Variants in NPHP1 observed in about 807,000 individuals in gnomAD.
The protein encoded by NPHP1 is nephrocystin 1, also known as nephrocystin-1.
In NPHP1, 70 loss-of-function variants were observed where a neutral mutation model predicts 90.4. That is an observed-to-expected ratio of 0.77 (90% CI 0.64 to 0.95). The LOEUF (loss-of-function observed/expected upper bound fraction) is 0.95, where lower values mean the gene tolerates loss of function less well. Ranked by LOEUF, NPHP1 falls within the 40% of genes least tolerant of loss-of-function variation. The probability of loss-of-function intolerance (pLI) is 0.00; values close to 1 mark genes in which losing one functional copy is unlikely to be tolerated. For missense variants in NPHP1, 764 were observed against 795.9 expected, an observed-to-expected ratio of 0.96 and a Z score of 0.48; for synonymous variants, 256 against 271.7, an observed-to-expected ratio of 0.94 and a Z score of 0.57.
At chr2:110,195,244 T>C (rs1194975601) in intron 2 of NPHP1, among the ~76,000 whole-genome samples, 4 of 152,154 alleles carry the variant, frequency 2.6e-5, no homozygotes, top group Admixed American at 2.0e-4. Flanking sequence ...GACATGATTG[T>C]ATATCTAGAA....
intron 16 of NPHP1, among the ~76,000 whole-genome samples, chr2:110,137,776 A>G (rs564327329): frequency 9.4e-4 from 142 of 151,482 alleles, no homozygotes; most frequent in Admixed American, 9.9e-4. Flanking sequence ...GTGATTCCTC[A>G]GGGATCTAGA....
intron 2 of NPHP1, among the ~76,000 whole-genome samples, chr2:110,192,969 C>T (rs1260060953): frequency 2.0e-5 from 3 of 152,094 alleles, no homozygotes; most frequent in Admixed American, 6.6e-5. Context: ...GAGATTTTGT[C>T]ACCACCAGGC....
chr2:110,197,196 G>T (rs1490344266), intron 2 of NPHP1, among the ~76,000 whole-genome samples: 1 of 152,048 alleles, frequency 6.6e-6, no homozygotes, highest in African/African-American at 2.4e-5. Flanking sequence ...TAATACCTAG[G>T]TGATGGGATG....
chr2:110,157,153 T>C (rs1438317775), intron 11 of NPHP1, among the ~76,000 whole-genome samples: 1 of 152,202 alleles, frequency 6.6e-6, no homozygotes, highest in Non-Finnish European at 1.5e-5. Flanking sequence ...TCTGTGCAGC[T>C]ATTAAATATG....
chr2:110,136,351 G>A (rs1680199804), intron 16 of NPHP1, among the ~76,000 whole-genome samples: 1 of 152,050 alleles, frequency 6.6e-6, no homozygotes, highest in African/African-American at 2.4e-5. Context: ...GGAAATAAAG[G>A]GTATTCAATT....
intron 2 of NPHP1, among the ~76,000 whole-genome samples, chr2:110,192,209 G>C (rs183474996): frequency 1.3e-5 from 2 of 152,208 alleles, no homozygotes; most frequent in Admixed American, 6.5e-5. Flanking sequence ...AAACTTCTCC[G>C]AGCTAAAGGA....
At chr2:110,128,031 TA>T (rs1197124828) in intron 18 of NPHP1, 1 of 152,126 alleles carries the variant, frequency 6.6e-6, no homozygotes, top group African/African-American at 2.4e-5. Flanking sequence ...CGAACTTATC[TA>T]AAATTACAGG....
At chr2:110,153,389 A>G (rs1681635421) in intron 11 of NPHP1, among the ~76,000 whole-genome samples, 1 of 152,186 alleles carries the variant, frequency 6.6e-6, no homozygotes, top group South Asian at 2.1e-4. Flanking sequence ...GAAATAGTAA[A>G]AATATAGGTA....
At chr2:110,198,199 A>T (rs1685299688) in intron 2 of NPHP1, among the ~76,000 whole-genome samples, 1 of 152,096 alleles carries the variant, frequency 6.6e-6, no homozygotes, top group Admixed American at 6.5e-5. Flanking sequence ...CATAAGAGGG[A>T]GATAATCTGC....
intron 14 of NPHP1, among the ~76,000 whole-genome samples, chr2:110,146,056 C>T (rs1450620697): frequency 6.6e-6 from 1 of 152,164 alleles, no homozygotes; most frequent in Admixed American, 6.5e-5. Flanking sequence ...AATCCACCTA[C>T]AGTTACATGG....
In NPHP1 at chr2:110,179,657, A is replaced by G; in HGVS notation, c.171T>C (p.Asp57=). 7.2e-7 allele frequency: 1 copy of G among 1,390,176 alleles called. No individual in the cohort carries two copies. Among genetic ancestry groups the G allele is most frequent in the East Asian group, 2.3e-5 (1 of 43,500 alleles). 86.1% of individuals were successfully genotyped at this position (1,390,176 alleles called of 1,614,324 possible). A position where few individuals can be genotyped will look rare whatever the true frequency, so the allele number is the denominator to read the frequency against. ...QRCIQLKQAI[D]ENKNALQKLS... ...ATTTTTGAAGAGCATTTTTATTTTC[A>G]TCTATTGCCTGCTTTAACTGGATAC... is the stretch of plus-strand genomic sequence containing the variant. The change falls in exon 3 of 20, where the codon GAT becomes GAC. Residue 57 remains aspartate, a synonymous_variant. Transcript: ENST00000445609.
At chr2:110,125,315 C>G in intron 19 of NPHP1, 1 of 1,529,862 alleles carries the variant, frequency 6.5e-7, no homozygotes, top group Non-Finnish European at 8.7e-7. Context: ...GTGATACAGG[C>G]TTTGAGAGCT....
Position 110,135,476 on chromosome 2 carries a change from C to CAA in NPHP1, c.1530-3687_1530-3686dup, listed in dbSNP as rs66696927. Among the ~76,000 whole-genome samples, 44 of 15,092 alleles carry CAA rather than the reference C, an allele frequency of 2.9e-3. 2 individuals are homozygous for CAA. Among genetic ancestry groups the CAA allele is most frequent in the Non-Finnish European group, 3.8e-3 (24 of 6,260 alleles). The allele number at this position is 15,092 out of a possible 152,430, so 9.9% of individuals were successfully genotyped here. A position where few individuals can be genotyped will look rare whatever the true frequency, so the allele number is the denominator to read the frequency against. On this transcript the variant is annotated intron_variant, in intron 16 of 19. Transcript: ENST00000445609. Reference sequence around the variant, plus strand: ...TGGGAGACACAGCGAGACCCCGTCTCAAAAAAAAAAAAAAAAAAAAAAAAA... The same window carrying CAA: ...TGGGAGACACAGCGAGACCCCGTCTCAAAAAAAAAAAAAAAAAAAAAAAAAAA...
chr2:110,173,117 C>A (rs1210880789), intron 4 of NPHP1, among the ~76,000 whole-genome samples: 2 of 151,952 alleles, frequency 1.3e-5, no homozygotes, highest in East Asian at 3.9e-4. Flanking sequence ...CACCACCATG[C>A]CCAGCTCATT....
At chr2:110,136,918 A>T (rs1174497224) in intron 16 of NPHP1, among the ~76,000 whole-genome samples, 1 of 152,188 alleles carries the variant, frequency 6.6e-6, no homozygotes, top group Non-Finnish European at 1.5e-5. Context: ...ACCTGACTTC[A>T]AACTATACTA....
chr2:110,152,599 T>TAAA (rs36125105), intron 11 of NPHP1, among the ~76,000 whole-genome samples: 2,525 of 125,960 alleles, frequency 0.02, 38 homozygotes, highest in Middle Eastern at 0.04. Context: ...CCAGTAGGGT[T>TAAA]AAAAAAAAAA....
chr2:110,168,899 A>G (rs1485390733), intron 5 of NPHP1, among the ~76,000 whole-genome samples: 1 of 152,148 alleles, frequency 6.6e-6, no homozygotes, highest in Non-Finnish European at 1.5e-5. Flanking sequence ...TGAATGTTTT[A>G]ATATCTCTGG....
At chr2:110,178,094 C>T (rs796176627) in intron 4 of NPHP1, 49 of 366,302 alleles carry the variant, frequency 1.3e-4, no homozygotes, top group African/African-American at 9.0e-4. Flanking sequence ...TGCAAGTAGA[C>T]ATTCCAAATC....
intron 4 of NPHP1, among the ~76,000 whole-genome samples, chr2:110,176,755 T>C (rs1683540176): frequency 6.6e-6 from 1 of 152,172 alleles, no homozygotes. Context: ...CTGTGTCCTC[T>C]ACTAAATGCC....
Sources: allele counts gnomAD v4.1 joint callset (sites outside exome capture counted in the v4.1 genomes callset), GRCh38; gene constraint gnomAD v4.1.1; transcripts MANE v1.5; gene names NCBI Gene and HGNC (gene_info 2026-07-23, HGNC 2026-07-21).